HPS1: variants seen among roughly 807,000 people sequenced by gnomAD.
HPS1 encodes BLOC-3 complex member HPS1.
A neutral mutation model predicts 90.6 loss-of-function variants in HPS1; 59 were observed. The ratio of observed to expected loss-of-function variants is 0.65; its 90% CI spans 0.53 to 0.81. The LOEUF (loss-of-function observed/expected upper bound fraction) is 0.81, where lower values mean the gene tolerates loss of function less well. Ranked by LOEUF, HPS1 falls within the 30% of genes least tolerant of loss-of-function variation. The pLI is 0.00. For synonymous variants in HPS1, 388 were observed against 384.4 expected, an observed-to-expected ratio of 1.01 and a Z score of -0.11; for missense variants, 849 against 896.7, an observed-to-expected ratio of 0.95 and a Z score of 0.68.
At chr10:98,418,774 C>T (rs370806095) in intron 18 of HPS1, among the ~76,000 whole-genome samples, 5 of 152,214 alleles carry the variant, frequency 3.3e-5, no homozygotes, top group Admixed American at 1.3e-4. Flanking sequence ...CCCACGGCAC[C>T]GGCTGGGCTG....
In HPS1 at chr10:98,423,615, A is replaced by C; in HGVS notation, c.1586T>G (p.Ile529Ser). The C allele has an allele frequency of 6.2e-7, 1 of 1,613,844 alleles. No homozygotes were observed. Among genetic ancestry groups the C allele is most frequent in the Non-Finnish European group, 8.5e-7 (1 of 1,179,900 alleles). Residue 529 changes from isoleucine (I) to serine (S), a missense_variant, in exon 16 of 20, where the codon ATC becomes AGC. Ile to Ser is a moderately radical substitution (Grantham distance 142). Transcript: ENST00000361490. Reference protein sequence around the residue: ...DFLLVKSRRNITMVSYLEDFP... With the variant: ...DFLLVKSRRNSTMVSYLEDFP... Reference sequence around the variant, plus strand: ...GGCGTCAGGATATGACACCATGGTGATGTTCCTCCTGCTCTTCACCAGCAA... The same window carrying C: ...GGCGTCAGGATATGACACCATGGTGCTGTTCCTCCTGCTCTTCACCAGCAA...
downstream of HPS1, chr10:98,414,901 AGAG>A (rs1249016945): frequency 2.7e-6 from 4 of 1,476,742 alleles, no homozygotes; most frequent in African/African-American, 1.4e-5. Flanking sequence ...GGGTTATGCC[AGAG>A]GAGAGAGCAG....
intron 10 of HPS1, among the ~76,000 whole-genome samples, chr10:98,427,577 T>A (rs990712847): frequency 6.6e-6 from 1 of 151,878 alleles, no homozygotes; most frequent in Non-Finnish European, 1.5e-5. Flanking sequence ...GGCATCTTCC[T>A]CCCCCCTCCC....
Position 98,429,583 on chromosome 10 carries a change from A to T in HPS1, c.927T>A (p.Asp309Glu), listed in dbSNP as rs1846092131. The T allele has an allele frequency of 6.2e-7, 1 of 1,614,058 alleles. No individual in the cohort carries two copies. Among genetic ancestry groups the T allele is most frequent in the Admixed American group, 1.7e-5 (1 of 60,000 alleles). The part of the protein sequence containing the change: ...EYFTPAPSPG[D>E]QSSGSTIWLE... Reference sequence around the variant, plus strand: ...TCCTCCGGTCCTCACCTGAGCTCTGATCGCCAGGGGAAGGAGCTGGTGTGA... The same window carrying T: ...TCCTCCGGTCCTCACCTGAGCTCTGTTCGCCAGGGGAAGGAGCTGGTGTGA... The change falls in exon 10 of 20, where the codon GAT (aspartate) becomes GAA (glutamate). Residue 309 changes from aspartate (D) to glutamate (E), a missense_variant. Physicochemically the swap from Asp to Glu is conservative, Grantham distance 45. Transcript: ENST00000361490.
chr10:98,427,812 A>T (rs76902984), intron 10 of HPS1, among the ~76,000 whole-genome samples: 2,303 of 152,316 alleles, frequency 0.015, 63 homozygotes, highest in African/African-American at 0.053. Context: ...TGTGTCTGTA[A>T]TAATACTGTT....
At position 98,434,974 on chromosome 10, in the gene HPS1, G is replaced by C. The variant is rs577496963; in HGVS notation, c.398+298C>G. ...TAATGACGGGTGATGATGTTGGGAGGATGGAAAGAGCACTGGACTGAGAGT... is the reference window on the plus strand; with the variant it reads ...TAATGACGGGTGATGATGTTGGGAGCATGGAAAGAGCACTGGACTGAGAGT... On this transcript the variant is annotated intron_variant, in intron 5 of 19. Transcript: ENST00000361490. 16 of 441,096 alleles carry C rather than the reference G, an allele frequency of 3.6e-5. No individual in the cohort carries two copies. In the East Asian group the frequency reaches 7.6e-4, roughly 21 times the overall value. 27.3% of individuals were successfully genotyped at this position (441,096 alleles called of 1,614,324 possible). A position where few individuals can be genotyped will look rare whatever the true frequency, so the allele number is the denominator to read the frequency against.
At chr10:98,431,457 G>A (rs1846466032) in intron 6 of HPS1, 166 bp from the exon 7 acceptor site, 1 of 677,046 alleles carries the variant, frequency 1.5e-6, no homozygotes, top group Admixed American at 2.6e-5. Context: ...CCTTCCTGAG[G>A]CTTACTGTCT....
chr10:98,426,895 G>A (rs910574785), intron 11 of HPS1, among the ~76,000 whole-genome samples: 2 of 151,734 alleles, frequency 1.3e-5, no homozygotes, highest in Non-Finnish European at 2.9e-5. Flanking sequence ...TGTATTTCCC[G>A]ATTTTTCTAC....
rs199996900 is a variant in HPS1 at position 98,423,837 on chromosome 10, C to T, written c.1448G>A (p.Arg483Gln). The T allele has an allele frequency of 1.1e-4, 175 of 1,613,778 alleles. No individual in the cohort carries two copies. The highest frequency in any genetic ancestry group is 1.4e-4 in the Non-Finnish European group (164 of 1,180,042). Reference protein sequence around the residue: ...KLKRQLCAIYRLNFLTTAPSR... With the variant: ...KLKRQLCAIYQLNFLTTAPSR... ...GGGGGCTGTGGTCAGAAAGTTCAGC[C>T]GGTAGATGGCGCAGAGCTGCCGCTT... Residue 483 changes from arginine (R) to glutamine (Q), a missense_variant, in exon 15 of 20, where the codon CGG becomes CAG. Transcript: ENST00000361490.
intron 7 of HPS1, 42 bp downstream of exon 7, chr10:98,431,089 C>T (rs2136211717): frequency 6.2e-7 from 1 of 1,608,102 alleles, no homozygotes; most frequent in Non-Finnish European, 8.5e-7. Flanking sequence ...AGTGAGAAGG[C>T]CAGGGAGCCT....
rs1366269340 is a variant in HPS1, at chr10:98,433,976, T to G, written c.507+7A>C. 3 of 1,555,004 alleles carry G rather than the reference T, an allele frequency of 1.9e-6. No individual in the cohort carries two copies. The highest frequency in any genetic ancestry group is 2.6e-6 in the Non-Finnish European group (3 of 1,149,062). ...AAGTCCTGAGGACTCCCGCGCCCAGTAGTCACCTCCACGGCGAAGCACTGC... is the reference window on the plus strand; with the variant it reads ...AAGTCCTGAGGACTCCCGCGCCCAGGAGTCACCTCCACGGCGAAGCACTGC... On this transcript the variant is annotated splice_region_variant and intron_variant, in intron 6 of 19. Transcript: ENST00000361490.
intron 3 of HPS1, among the ~76,000 whole-genome samples, chr10:98,439,052 C>T (rs894877488): frequency 6.6e-6 from 1 of 152,176 alleles, no homozygotes; most frequent in Admixed American, 6.5e-5. Flanking sequence ...CACGGGTGCA[C>T]ATAAATCAAA....
At chr10:98,433,245 A>G (rs1846769291) in intron 6 of HPS1, among the ~76,000 whole-genome samples, 1 of 151,662 alleles carries the variant, frequency 6.6e-6, no homozygotes, top group Admixed American at 6.6e-5. Context: ...AAAAAAAAAA[A>G]AAAAGAAATG....
In HPS1 at chr10:98,443,231, C is replaced by T. The variant is rs370167200; in HGVS notation, c.10G>A (p.Val4Ile). ...TCTGCGCCCTCAGTGGCCACCAAGA[C>T]GCACTTCATCTGCCAGGGAAAGGCA... Reference protein sequence around the residue: MKCVLVATEGAEVL... With the variant: MKCILVATEGAEVL... Residue 4 changes from valine to isoleucine, a missense_variant, in exon 3 of 20, where the codon GTC becomes ATC. Transcript: ENST00000361490. The T allele has an allele frequency of 2.2e-5, 36 of 1,613,250 alleles. No homozygotes were observed. The Middle Eastern group carries it at 1.3e-3, about 59-fold the overall frequency.
rs373961504 is a variant in HPS1, at chr10:98,431,744, T to C, written c.508-453A>G. Among the ~76,000 whole-genome samples the C allele has an allele frequency of 2.6e-5, 4 of 152,218 alleles. No homozygotes were observed. The South Asian group carries it at 8.3e-4, about 32-fold the overall frequency. On this transcript the variant is annotated intron_variant, in intron 6 of 19. Transcript: ENST00000361490. ...AGAGGCCATGAGATGGGGACAGAGT[T>C]TGCAATGGTGCTGTCCAACAGAAAT... is the stretch of plus-strand genomic sequence containing the variant.
rs1452363766 is a variant in HPS1 at position 98,417,954 on chromosome 10, G to A, written c.1940+221C>T. On this transcript the variant is annotated intron_variant, in intron 19 of 19. Coordinates refer to ENST00000361490, the MANE Select transcript of HPS1 (RefSeq NM_000195.5). The surrounding 1 kb of genome is among the most constrained non-coding windows in gnomAD (Gnocchi z 4.2). ...TGGGCCGGGCACAGACGTTCCCCGT[G>A]CTGCCAAGACCATGCCAGCAGGAAG... Among the ~76,000 whole-genome samples, 1 of 152,160 alleles carries A rather than the reference G, an allele frequency of 6.6e-6. No individual in the cohort carries two copies. The highest frequency in any genetic ancestry group is 1.5e-5 in the Non-Finnish European group (1 of 68,024).
At chr10:98,415,006 T>C, downstream of HPS1, 2 of 1,613,110 alleles carry the variant, frequency 1.2e-6, no homozygotes, top group Non-Finnish European at 1.7e-6. Context: ...TTTACCACTT[T>C]ACCTGCTCCT....
chr10:98,441,895 C>T (rs142234325), intron 3 of HPS1, among the ~76,000 whole-genome samples: 103 of 152,264 alleles, frequency 6.8e-4, no homozygotes, highest in African/African-American at 2.4e-3. Context: ...TCAAAAATTA[C>T]ACAACCACTT....
Position 98,425,597 on chromosome 10 carries a change from C to T in HPS1, c.1279G>A (p.Asp427Asn). 1 of 1,613,900 alleles carries T rather than the reference C, an allele frequency of 6.2e-7. No individual in the cohort carries two copies. The highest frequency in any genetic ancestry group is 8.5e-7 in the Non-Finnish European group (1 of 1,179,940). Residue 427 changes from aspartate to asparagine, a missense_variant, in exon 13 of 20, where the codon GAC becomes AAC. Transcript: ENST00000361490. ...ASLRSQPLVG[D>N]LRQRMDKFVK... is the part of the protein sequence containing the mutation. Reference sequence around the variant, plus strand: ...AACTTGTCCATCCTCTGGCGCAGGTCTCCCACGAGGGGCTGGGAGCGCAGG... The same window carrying T: ...AACTTGTCCATCCTCTGGCGCAGGTTTCCCACGAGGGGCTGGGAGCGCAGG...
Sources: gnomAD v4.1 joint callset for allele counts (sites outside exome capture counted in the v4.1 genomes callset) on GRCh38, gnomAD v4.1.1 for gene constraint, Gnocchi (gnomAD v3.1) non-coding constraint, MANE v1.5 for transcripts, NCBI Gene and HGNC (gene_info 2026-07-23, HGNC 2026-07-21) for gene names.